The following CDH4 variants were observed in gnomAD, a reference collection of about 807,000 sequenced individuals.
CDH4 encodes cadherin 4.
In CDH4, 33 loss-of-function variants were observed where a neutral mutation model predicts 86.0. That is an observed-to-expected ratio of 0.38 (90% confidence interval 0.29 to 0.51). The LOEUF (loss-of-function observed/expected upper bound fraction) is 0.51, where lower values mean the gene tolerates loss of function less well. CDH4 is among the 20% of genes least tolerant of loss of function. The probability of loss-of-function intolerance (pLI) is 0.86; values close to 1 mark genes in which losing one functional copy is unlikely to be tolerated. For synonymous variants in CDH4, 555 were observed against 549.4 expected, an observed-to-expected ratio of 1.01 and a Z score of -0.14; for missense variants, 1,114 against 1,307.4, an observed-to-expected ratio of 0.85 and a Z score of 2.28.
intron 2 of CDH4, among the ~76,000 whole-genome samples, chr20:61,514,686 C>G (rs2085805682): frequency 6.6e-6 from 1 of 152,198 alleles, no homozygotes; most frequent in South Asian, 2.1e-4. Flanking sequence ...CGCACTGGGG[C>G]TGAGGTTTGC....
rs948615875 is a variant in CDH4, at chr20:61,342,799, A to G, written c.169+87862A>G. Among the ~76,000 whole-genome samples, 7 of 152,380 alleles carry G rather than the reference A, an allele frequency of 4.6e-5. No homozygotes were observed. In the South Asian group the frequency reaches 1.4e-3, roughly 32 times the overall value. On this transcript the variant is annotated intron_variant, in intron 2 of 15. Coordinates refer to ENST00000614565, the MANE Select transcript of CDH4 (RefSeq NM_001794.5). ...ACTTGGAAGTGATTCTCTGTTAATC[A>G]TGGAGACCGTGAGAGCCCAGGGGGC...
chr20:61,904,596 C>G (rs925439364), intron 8 of CDH4, among the ~76,000 whole-genome samples: 2 of 152,192 alleles, frequency 1.3e-5, no homozygotes, highest in Admixed American at 1.3e-4. Flanking sequence ...CGACCCTGTA[C>G]CAGGTGCTGC....
rs187150002 is a variant in CDH4 at position 61,869,199 on chromosome 20, A to T, written c.878-4529A>T. Among the ~76,000 whole-genome samples the T allele has an allele frequency of 3.3e-5, 5 of 152,326 alleles. No homozygotes were observed. In the East Asian group the frequency reaches 9.6e-4, roughly 29 times the overall value. Reference sequence around the variant, plus strand: ...ACTAGAAGTTGGCAACCCTATATTGATTCCCCTGTATTTTTAAAAACCAAT... The same window carrying T: ...ACTAGAAGTTGGCAACCCTATATTGTTTCCCCTGTATTTTTAAAAACCAAT... On this transcript the variant is annotated intron_variant, in intron 6 of 15. Transcript: ENST00000614565.
Position 61,420,807 on chromosome 20 carries a change from G to T in CDH4, c.169+165870G>T, listed in dbSNP as rs973479420. Among the ~76,000 whole-genome samples, 21 of 152,262 alleles carry T rather than the reference G, an allele frequency of 1.4e-4. No individual in the cohort carries two copies. The South Asian group carries it at 1.7e-3, about 12-fold the overall frequency. On this transcript the variant is annotated intron_variant, in intron 2 of 15. Transcript: ENST00000614565. ...CCCATGCACAGAGCACTGGTGAACA[G>T]AGTGTGGCATGTCCCACGGGGGATG...
rs6142887 is a variant in CDH4, at chr20:61,937,313, G to C, written c.*370G>C. The C allele has an allele frequency of 0.055, 8,846 of 161,810 alleles. 523 individuals are homozygous for C. Among genetic ancestry groups the C allele is most frequent in the East Asian group, 0.3 (1,678 of 5,532 alleles). The allele number at this position is 161,810 out of a possible 1,614,324, so 10.0% of individuals were successfully genotyped here. On this transcript the variant is annotated 3_prime_UTR_variant, in exon 16 of 16. Transcript: ENST00000614565. ...ATCAGATTCCCTCAAACTCAGGAGT[G>C]TCTAAAGCAGACAGACCGTCCCCAC...
rs544844230 is a variant in CDH4 at position 61,617,478 on chromosome 20, G to A, written c.170-126085G>A. Among the ~76,000 whole-genome samples, 11 of 152,302 alleles carry A rather than the reference G, an allele frequency of 7.2e-5. No individual in the cohort carries two copies. The South Asian group carries it at 1.2e-3, about 17-fold the overall frequency. Reference sequence around the variant, plus strand: ...GAAGCCCCCATTGCAGGCTGAGAACGTCCCCCCATTCCCCGTTTTCAAGAA... The same window carrying A: ...GAAGCCCCCATTGCAGGCTGAGAACATCCCCCCATTCCCCGTTTTCAAGAA... On this transcript the variant is annotated intron_variant, in intron 2 of 15. Coordinates refer to ENST00000614565, the MANE Select transcript of CDH4 (RefSeq NM_001794.5).
intron 2 of CDH4, among the ~76,000 whole-genome samples, chr20:61,643,052 C>G (rs997614102): frequency 6.6e-6 from 1 of 152,202 alleles, no homozygotes; most frequent in Non-Finnish European, 1.5e-5. Context: ...GTTGCTACAA[C>G]TGAATAGCTG....
chr20:61,627,223 G>T (rs1284092179), intron 2 of CDH4, among the ~76,000 whole-genome samples: 1 of 152,198 alleles, frequency 6.6e-6, no homozygotes, highest in Non-Finnish European at 1.5e-5. Context: ...GTGGTTCAAG[G>T]TGAGCAAACC....
At chr20:61,359,428 C>T (rs2084771694) in intron 2 of CDH4, among the ~76,000 whole-genome samples, 1 of 152,196 alleles carries the variant, frequency 6.6e-6, no homozygotes, top group South Asian at 2.1e-4. Flanking sequence ...CCTGGGAGCA[C>T]CGCTGTGAAG....
At chr20:61,605,375 CTCTCTGTA>C (rs1261166928) in intron 2 of CDH4, among the ~76,000 whole-genome samples, 1 of 152,040 alleles carries the variant, frequency 6.6e-6, no homozygotes, top group Non-Finnish European at 1.5e-5. Context: ...CTTTCTCTCC[CTCTCTGTA>C]TCTCTGTCTC....
intron 2 of CDH4, among the ~76,000 whole-genome samples, chr20:61,271,967 A>G (rs1339910951): frequency 1.3e-5 from 2 of 152,200 alleles, no homozygotes; most frequent in South Asian, 2.1e-4. Context: ...AGCCGTGTGC[A>G]TGGAGGACGG....
chr20:61,903,540 T>TAA (rs60370683), intron 8 of CDH4, among the ~76,000 whole-genome samples: 10 of 90,886 alleles, frequency 1.1e-4, no homozygotes, highest in African/African-American at 3.8e-4. Context: ...AGAGACTCCA[T>TAA]AAAAAAAAAA....
rs1453418800 is a variant in CDH4 at position 61,518,892 on chromosome 20, A to G, written c.170-224671A>G. Among the ~76,000 whole-genome samples the G allele has an allele frequency of 1.3e-5, 2 of 151,778 alleles. No individual in the cohort carries two copies. The highest frequency in any genetic ancestry group is 2.9e-5 in the Non-Finnish European group (2 of 67,970). ...TCATTCATTCATCAATCCACCCATC[A>G]TCCATTCATCCATCATTCATTCATC... On this transcript the variant is annotated intron_variant, in intron 2 of 15. Coordinates refer to ENST00000614565, the MANE Select transcript of CDH4 (RefSeq NM_001794.5). The surrounding 1 kb of genome is among the most constrained non-coding windows in gnomAD (Gnocchi z 6.3).
intron 7 of CDH4, 49 bp downstream of exon 7, chr20:61,873,949 G>A (rs200005982): frequency 2.4e-5 from 38 of 1,594,398 alleles, no homozygotes; most frequent in African/African-American, 6.7e-5. Flanking sequence ...CCTGGTCCCC[G>A]CAGGACACCC....
At position 61,678,344 on chromosome 20, in the gene CDH4, A is replaced by C. The variant is rs1408243945; in HGVS notation, c.170-65219A>C. Among the ~76,000 whole-genome samples, 3 of 152,192 alleles carry C rather than the reference A, an allele frequency of 2.0e-5. No homozygotes were observed. The East Asian group carries it at 5.8e-4, about 29-fold the overall frequency. ...ATGGATGGATGGTAAATATAAACGTAGATCAGTATAGACATGGGTATATAG... is the reference window on the plus strand; with the variant it reads ...ATGGATGGATGGTAAATATAAACGTCGATCAGTATAGACATGGGTATATAG... On this transcript the variant is annotated intron_variant, in intron 2 of 15. Coordinates refer to ENST00000614565, the MANE Select transcript of CDH4 (RefSeq NM_001794.5).
chr20:61,917,283 T>C (rs2054913006), intron 9 of CDH4, among the ~76,000 whole-genome samples: 1 of 152,202 alleles, frequency 6.6e-6, no homozygotes, highest in Admixed American at 6.5e-5. Context: ...GTTACCATCA[T>C]ACCCTCCTCA....
chr20:61,883,135 T>A (rs1971251626), intron 7 of CDH4, among the ~76,000 whole-genome samples: 1 of 139,558 alleles, frequency 7.2e-6, no homozygotes, highest in Non-Finnish European at 1.5e-5. Context: ...GCCTTCTCGC[T>A]GGCTGCTCCC....
intron 4 of CDH4, among the ~76,000 whole-genome samples, chr20:61,818,459 G>C (rs535549504): frequency 1.4e-3 from 209 of 152,244 alleles, no homozygotes; most frequent in Non-Finnish European, 2.4e-3. Flanking sequence ...AGGATGGCTT[G>C]AGGCCAGGAA....
At chr20:61,254,731 C>A in intron 1 of CDH4, 95 bp from the exon 2 acceptor site, 1 of 829,960 alleles carries the variant, frequency 1.2e-6, no homozygotes, top group Non-Finnish European at 2.1e-6. Context: ...TCTCTCTTAG[C>A]CAGAGACCTT....
Sources: allele counts gnomAD v4.1 joint callset (sites outside exome capture counted in the v4.1 genomes callset), GRCh38; gene constraint gnomAD v4.1.1; non-coding constraint Gnocchi (gnomAD v3.1); transcripts MANE v1.5; gene names NCBI Gene and HGNC (gene_info 2026-07-23, HGNC 2026-07-21).